PWWP3A: variants seen among roughly 807,000 people sequenced by gnomAD.
The protein encoded by PWWP3A is PWWP domain-containing DNA repair factor 3A.
In PWWP3A, 53 loss-of-function variants were observed where a neutral mutation model predicts 79.0. The ratio of observed to expected loss-of-function variants is 0.67; its 90% CI spans 0.54 to 0.84. PWWP3A has a LOEUF of 0.84. PWWP3A is among the 40% of genes least tolerant of loss of function. PWWP3A has a pLI of 0.00. For missense variants in PWWP3A, 973 were observed against 948.0 expected (o/e 1.03, Z -0.35); for synonymous variants, 443 against 394.4 (o/e 1.12, Z -1.46).
At position 1,369,240 on chromosome 19, in the gene PWWP3A, G is replaced by T; in HGVS notation, c.1423-25G>T. On this transcript the variant is annotated intron_variant, in intron 9 of 13. Transcript: ENST00000591337. This position sits in a 1 kb window ranked among gnomAD's most constrained non-coding sequence, Gnocchi z 4.0. ...GTGCTTGGCACTGCCTCCCACTGAC[G>T]CCTGCTGCCCGGATCTCATTGTAGA... The T allele has an allele frequency of 6.8e-6, 11 of 1,612,992 alleles. No individual in the cohort carries two copies. Among genetic ancestry groups the T allele is most frequent in the Non-Finnish European group, 9.3e-6 (11 of 1,179,306 alleles).
intron 5 of PWWP3A, among the ~76,000 whole-genome samples, chr19:1,361,712 C>A (rs575674798): frequency 6.6e-6 from 1 of 152,110 alleles, no homozygotes; most frequent in Admixed American, 6.5e-5. Context: ...GAGGTTGCCA[C>A]GCTCTGAAGA....
In PWWP3A at chr19:1,360,083, G is replaced by T; in HGVS notation, c.215-53G>T. 1.3e-6 allele frequency: 2 copies of T among 1,489,858 alleles called. No individual in the cohort carries two copies. Among genetic ancestry groups the T allele is most frequent in the Admixed American group, 2.4e-5 (1 of 42,462 alleles). 92.3% of individuals were successfully genotyped at this position (1,489,858 alleles called of 1,614,324 possible). On this transcript the variant is annotated intron_variant, in intron 4 of 13. Coordinates refer to ENST00000591337, the MANE Select transcript of PWWP3A (RefSeq NM_001369789.1). This position sits in a 1 kb window ranked among gnomAD's most constrained non-coding sequence, Gnocchi z 4.4. Reference sequence around the variant, plus strand: ...GAGCTTCTAAAGCGATGCCGTGACCGCAGTGCCTGTGCAGTGAACGTAACC... The same window carrying T: ...GAGCTTCTAAAGCGATGCCGTGACCTCAGTGCCTGTGCAGTGAACGTAACC...
intron 7 of PWWP3A, 67 bp from the exon 8 acceptor site, chr19:1,366,238 C>CA: frequency 7.1e-6 from 11 of 1,552,746 alleles, no homozygotes; most frequent in South Asian, 1.1e-5. Flanking sequence ...TGTGATGTCA[C>CA]AAAAAAATAT....
rs371221738 is a variant in PWWP3A at position 1,354,984 on chromosome 19, A to AGCG, written c.-198_-196dup. ...AAGCCCCGCCCCCGGCCCCGCGGGG[A>AGCG]GCGGCGGCGGCGGCGGCGGCGGCGG... is the stretch of plus-strand genomic sequence containing the variant. On this transcript the variant is annotated 5_prime_UTR_variant, in exon 1 of 14. Transcript: ENST00000591337. 522 of 147,764 alleles carry AGCG rather than the reference A, an allele frequency of 3.5e-3. 5 individuals are homozygous for AGCG. Among genetic ancestry groups the AGCG allele is most frequent in the Admixed American group, 0.022 (320 of 14,752 alleles). The allele number at this position is 147,764 out of a possible 1,614,324, so 9.2% of individuals were successfully genotyped here.
intron 4 of PWWP3A, chr19:1,358,692 T>C: frequency 6.6e-7 from 1 of 1,519,020 alleles, no homozygotes; most frequent in Non-Finnish European, 8.8e-7. Context: ...ACGCCCAGAA[T>C]GGTCAGTGGT....
At position 1,369,288 on chromosome 19, in the gene PWWP3A, C is replaced by G. The variant is rs1336546503; in HGVS notation, c.1446C>G (p.Asn482Lys). Reference protein sequence around the residue: ...TLLNQAREDFNQDIGWCVSLI... With the variant: ...TLLNQAREDFKQDIGWCVSLI... ...AGAATCAAGCCAGGGAGGACTTCAA[C>G]CAGGACATCGGCTGGTGTGTCTCCC... Residue 482 changes from asparagine (N) to lysine (K), a missense_variant, in exon 10 of 14, where the codon AAC (asparagine) becomes AAG (lysine). By Grantham distance (94) the Asn-to-Lys change is moderately conservative. Coordinates refer to ENST00000591337, the MANE Select transcript of PWWP3A (RefSeq NM_001369789.1). The surrounding 1 kb of genome is among the most constrained non-coding windows in gnomAD (Gnocchi z 4.0). 2 of 1,614,152 alleles carry G rather than the reference C, an allele frequency of 1.2e-6. No homozygotes were observed. The highest frequency in any genetic ancestry group is 1.7e-6 in the Non-Finnish European group (2 of 1,180,010).
At chr19:1,365,355 G>C (rs1489258393) in intron 7 of PWWP3A, among the ~76,000 whole-genome samples, 1 of 152,264 alleles carries the variant, frequency 6.6e-6, no homozygotes, top group Non-Finnish European at 1.5e-5. Context: ...TTTGGGTGCT[G>C]TCCTGGCCTT....
rs1035034852 is a variant in PWWP3A at position 1,368,050 on chromosome 19, G to A, written c.1422+830G>A. ...TGCGATTCTGCTGCCTCAGCCTTCC[G>A]AGTAGCTGGGACTACAGGCAGGCAC... On this transcript the variant is annotated intron_variant, in intron 9 of 13. Transcript: ENST00000591337. This position sits in a 1 kb window ranked among gnomAD's most constrained non-coding sequence, Gnocchi z 4.7. Among the ~76,000 whole-genome samples the A allele has an allele frequency of 3.9e-5, 6 of 152,024 alleles. No individual in the cohort carries two copies. The East Asian group carries it at 7.7e-4, about 20-fold the overall frequency.
At chr19:1,364,726 A>G in intron 7 of PWWP3A, 147 bp downstream of exon 7, 1 of 709,766 alleles carries the variant, frequency 1.4e-6, no homozygotes, top group Non-Finnish European at 2.3e-6. Flanking sequence ...GGGTTTTTAG[A>G]AAAGACTTCA....
chr19:1,360,327 T>C lies in PWWP3A; in HGVS notation c.406T>C (p.Ser136Pro), dbSNP rs1479054310. The stretch of plus-strand genomic sequence containing the variant: ...CTCCTCGCCCTGTGATTCGAACTCC[T>C]CATCTCTTCCCCGCGGAGACGTGTT... ...HVSSPCDSNSSSLPRGDVLGS... is the reference protein window; with the variant it reads ...HVSSPCDSNSPSLPRGDVLGS... Residue 136 changes from serine to proline, a missense_variant, in exon 5 of 14, where the codon TCA (serine) becomes CCA (proline). By Grantham distance (74) the Ser-to-Pro change is moderately conservative (BLOSUM62 -1). Coordinates refer to ENST00000591337, the MANE Select transcript of PWWP3A (RefSeq NM_001369789.1). The surrounding 1 kb of genome is among the most constrained non-coding windows in gnomAD (Gnocchi z 4.4). 1 of 1,613,906 alleles carries C rather than the reference T, an allele frequency of 6.2e-7. No individual in the cohort carries two copies. The highest frequency in any genetic ancestry group is 1.3e-5 in the African/African-American group (1 of 74,934).
At chr19:1,355,454 C>T (rs535304516) in intron 1 of PWWP3A, among the ~76,000 whole-genome samples, 25 of 130,012 alleles carry the variant, frequency 1.9e-4, no homozygotes, top group Non-Finnish European at 3.8e-4. Context: ...CATCTCTTGC[C>T]TGGACCCCCA....
rs1600137118 is a variant in PWWP3A at position 1,376,571 on chromosome 19, C to T, written c.2128C>T (p.Arg710Trp). ...QLLEERNRRR[R>W] is the part of the protein sequence containing the mutation. ...CCTTGAAGAGCGGAACCGGCGCCGT[C>T]GGTGAGGGAGCAGCCGGCTGTGCTG... Residue 710 changes from arginine to tryptophan, a missense_variant, in exon 14 of 14, where the codon CGG becomes TGG. Arg to Trp is a moderately radical substitution (Grantham distance 101). Transcript: ENST00000591337. The T allele has an allele frequency of 1.9e-6, 3 of 1,613,448 alleles. No homozygotes were observed. In the East Asian group the frequency reaches 6.7e-5, roughly 36 times the overall value.
Position 1,368,931 on chromosome 19 carries a change from TCGGGTCCCCGGTGCC to T in PWWP3A, c.1423-332_1423-318del. Among the ~76,000 whole-genome samples the T allele has an allele frequency of 1.5e-5, 2 of 136,228 alleles. No homozygotes were observed. The highest frequency in any genetic ancestry group is 2.8e-5 in the African/African-American group (1 of 35,904). The allele number at this position is 136,228 out of a possible 152,430, so 89.4% of individuals were successfully genotyped here. A position where few individuals can be genotyped will look rare whatever the true frequency, so the allele number is the denominator to read the frequency against. The stretch of plus-strand genomic sequence containing the variant: ...CCTGCGTTCAGACCAGCCCAAGCCA[TCGGGTCCCCGGTGCC>T]CACCTGCGTTCAGATCAGCCCAAGC... On this transcript the variant is annotated intron_variant, in intron 9 of 13. Transcript: ENST00000591337. The surrounding 1 kb of genome is among the most constrained non-coding windows in gnomAD (Gnocchi z 4.7).
intron 7 of PWWP3A, among the ~76,000 whole-genome samples, chr19:1,365,204 T>C (rs1023588722): frequency 1.3e-5 from 2 of 152,252 alleles, no homozygotes. Context: ...CTCATTAATT[T>C]GGATTTTGTG....
At chr19:1,374,948 C>T (rs1019534387) in intron 13 of PWWP3A, among the ~76,000 whole-genome samples, 31 of 151,772 alleles carry the variant, frequency 2.0e-4, no homozygotes, top group African/African-American at 7.0e-4. Flanking sequence ...AGGCCTGGTG[C>T]GGTTGCTCAC....
At chr19:1,364,271 T>C (rs1203104794) in intron 6 of PWWP3A, 4 of 661,896 alleles carry the variant, frequency 6.0e-6, no homozygotes, top group Non-Finnish European at 1.1e-5. Context: ...GGGAACCCAG[T>C]GCAGCACCCC....
rs1400971406 is a variant in PWWP3A, at chr19:1,360,117, G to A, written c.215-19G>A. 5.2e-6 allele frequency: 8 copies of A among 1,532,082 alleles called. No homozygotes were observed. The highest frequency in any genetic ancestry group is 7.0e-6 in the Non-Finnish European group (8 of 1,142,300). 94.9% of individuals were successfully genotyped at this position (1,532,082 alleles called of 1,614,324 possible). A position where few individuals can be genotyped will look rare whatever the true frequency, so the allele number is the denominator to read the frequency against. ...GTGCAGTGAACGTAACCGGCATTGTGTATGTTCGGTCCTTGCAGCCTCACA... is the reference window on the plus strand; with the variant it reads ...GTGCAGTGAACGTAACCGGCATTGTATATGTTCGGTCCTTGCAGCCTCACA... On this transcript the variant is annotated intron_variant, in intron 4 of 13. Coordinates refer to ENST00000591337, the MANE Select transcript of PWWP3A (RefSeq NM_001369789.1). This position sits in a 1 kb window ranked among gnomAD's most constrained non-coding sequence, Gnocchi z 4.4.
chr19:1,376,147 A>T, intron 13 of PWWP3A, among the ~76,000 whole-genome samples: 2 of 129,620 alleles, frequency 1.5e-5, no homozygotes. Context: ...TTTTTTAGAG[A>T]CAGAATTTAG....
At chr19:1,375,058 TAAAA>T (rs36062259) in intron 13 of PWWP3A, among the ~76,000 whole-genome samples, 2 of 137,820 alleles carry the variant, frequency 1.5e-5, no homozygotes, top group African/African-American at 5.3e-5. Flanking sequence ...ATCTCTACTT[TAAAA>T]AAAAAAAAAA....
Sources: gnomAD v4.1 joint callset for allele counts (sites outside exome capture counted in the v4.1 genomes callset) on GRCh38, gnomAD v4.1.1 for gene constraint, Gnocchi (gnomAD v3.1) non-coding constraint, MANE v1.5 for transcripts, NCBI Gene and HGNC (gene_info 2026-07-23, HGNC 2026-07-21) for gene names.